Variants in SCG3 observed in about 807,000 individuals in gnomAD.
SCG3 encodes secretogranin III, also known as secretogranin-3.
In SCG3, 38 loss-of-function variants were observed where a neutral mutation model predicts 56.2. The observed-to-expected ratio is 0.68, with a 90% CI of 0.52 to 0.89. SCG3 has a LOEUF of 0.89. Among genes scored for constraint, SCG3 ranks in the 40% least tolerant of loss-of-function variants. SCG3 has a pLI of 0.00. For synonymous variants in SCG3, 176 were observed against 184.2 expected, an observed-to-expected ratio of 0.96 and a Z score of 0.36; for missense variants, 524 against 540.7, an observed-to-expected ratio of 0.97 and a Z score of 0.31.
At chr15:51,685,126 G>A (rs1232355472) in intron 4 of SCG3, among the ~76,000 whole-genome samples, 1 of 152,198 alleles carries the variant, frequency 6.6e-6, no homozygotes, top group Non-Finnish European at 1.5e-5. Flanking sequence ...GTGTACCTAT[G>A]AAGTGGGATG....
At chr15:51,688,665 G>C (rs1489721540) in intron 5 of SCG3, among the ~76,000 whole-genome samples, 1 of 152,106 alleles carries the variant, frequency 6.6e-6, no homozygotes, top group Non-Finnish European at 1.5e-5. Context: ...ATATCCAACT[G>C]GCAGTAAGGA....
At chr15:51,703,693 T>C (rs543441993) in intron 10 of SCG3, among the ~76,000 whole-genome samples, 1 of 152,218 alleles carries the variant, frequency 6.6e-6, no homozygotes, top group African/African-American at 2.4e-5. Context: ...ACCTGGGTTA[T>C]ATAAGTTCAA....
Position 51,683,344 on chromosome 15 carries a change from T to G in SCG3, c.307T>G (p.Leu103Val). ...AAGAAGCTCCCCACTTGATAATAAG[T>G]TGAATGTGGAAGATGTTGATTCAAC... ...SIRSSPLDNK[L>V]NVEDVDSTKN... The change falls in exon 4 of 12, where the codon TTG becomes GTG. Residue 103 changes from leucine (L) to valine (V), a missense_variant. Transcript: ENST00000220478. The G allele has an allele frequency of 6.2e-7, 1 of 1,613,652 alleles. No individual in the cohort carries two copies. Among genetic ancestry groups the G allele is most frequent in the Non-Finnish European group, 8.5e-7 (1 of 1,179,724 alleles).
At chr15:51,712,973 C>T (rs2055430111) in intron 10 of SCG3, 1 of 174,530 alleles carries the variant, frequency 5.7e-6, no homozygotes, top group Non-Finnish European at 1.2e-5. Flanking sequence ...TTTGGAAGAA[C>T]CATCCCTAAC....
chr15:51,702,474 T>A (rs1348323059), intron 10 of SCG3, among the ~76,000 whole-genome samples: 1 of 152,070 alleles, frequency 6.6e-6, no homozygotes, highest in Non-Finnish European at 1.5e-5. Flanking sequence ...CCAGGCTGGT[T>A]TTGAACTCCT....
chr15:51,689,523 T>C (rs2055253365), intron 6 of SCG3, among the ~76,000 whole-genome samples, 155 bp downstream of exon 6: 1 of 152,006 alleles, frequency 6.6e-6, no homozygotes, highest in African/African-American at 2.4e-5. Context: ...AGGCCAGACA[T>C]GTTGGCTCAA....
intron 10 of SCG3, among the ~76,000 whole-genome samples, chr15:51,711,224 G>C (rs1472693485): frequency 6.6e-6 from 1 of 152,208 alleles, no homozygotes; most frequent in Non-Finnish European, 1.5e-5. Flanking sequence ...GGAGGCATGA[G>C]AGTGGGTAAT....
At position 51,713,406 on chromosome 15, in the gene SCG3, TAAA is replaced by T. The variant is rs1567223392; in HGVS notation, c.1282_1284del (p.Lys428del). The stretch of plus-strand genomic sequence containing the variant: ...TGAAGAAACATGACAAAAAGGGAAA[TAAA>T]GAAGGTAGGACCAAGTGTGGTTGTA... On this transcript the variant is annotated inframe_deletion, in exon 11 of 12. Coordinates refer to ENST00000220478, the MANE Select transcript of SCG3 (RefSeq NM_013243.4). 5.6e-6 allele frequency: 9 copies of T among 1,596,142 alleles called. No homozygotes were observed. The highest frequency in any genetic ancestry group is 7.7e-6 in the Non-Finnish European group (9 of 1,170,222).
intron 4 of SCG3, among the ~76,000 whole-genome samples, chr15:51,683,890 CA>C (rs1437103498): frequency 1.3e-5 from 2 of 152,162 alleles, no homozygotes; most frequent in Non-Finnish European, 1.5e-5. Context: ...GCTTCAATTA[CA>C]TCTATATCCT....
chr15:51,715,426 T>G (rs2622777), intron 11 of SCG3, among the ~76,000 whole-genome samples: 1 of 151,874 alleles, frequency 6.6e-6, no homozygotes, highest in Non-Finnish European at 1.5e-5. Context: ...CTATTAGTTC[T>G]GACCTTTCTT....
In SCG3 at chr15:51,709,180, A is replaced by T. The variant is rs558682622; in HGVS notation, c.1208-4153A>T. 1.3e-4 allele frequency among the ~76,000 whole-genome samples: 20 copies of T among 152,322 alleles called. 1 individual carries two copies. In the South Asian group the frequency reaches 4.1e-3, roughly 32 times the overall value. On this transcript the variant is annotated intron_variant, in intron 10 of 11. Transcript: ENST00000220478. ...CCTTCACATGATGGTAGGAAGGAGA[A>T]GTGCTGAGCAAATGGGGAAAAGCCC...
intron 10 of SCG3, among the ~76,000 whole-genome samples, chr15:51,703,570 G>T (rs893573262): frequency 1.3e-5 from 2 of 152,084 alleles, no homozygotes; most frequent in African/African-American, 4.8e-5. Flanking sequence ...TAGCAACAAC[G>T]GGATATTCTA....
Position 51,681,560 on chromosome 15 carries a change from T to C in SCG3, c.-196T>C, listed in dbSNP as rs185684432. On this transcript the variant is annotated 5_prime_UTR_variant, in exon 1 of 12. Coordinates refer to ENST00000220478, the MANE Select transcript of SCG3 (RefSeq NM_013243.4). Reference sequence around the variant, plus strand: ...GCTCCCCTCTACCTGGAGACTTGACTCCCGCGCGCCCCAACCCTGCTTATC... The same window carrying C: ...GCTCCCCTCTACCTGGAGACTTGACCCCCGCGCGCCCCAACCCTGCTTATC... The C allele has an allele frequency of 1.1e-3, 629 of 585,462 alleles. 6 individuals carry two copies. The African/African-American group carries it at 0.011, about 10-fold the overall frequency. 36.3% of individuals were successfully genotyped at this position (585,462 alleles called of 1,614,324 possible).
chr15:51,708,625 G>A (rs889058040), intron 10 of SCG3, among the ~76,000 whole-genome samples: 6 of 152,164 alleles, frequency 3.9e-5, no homozygotes, highest in Non-Finnish European at 7.3e-5. Context: ...GGTGGCCGAG[G>A]AGGGCAGATC....
chr15:51,683,105 TA>T lies in SCG3; in HGVS notation c.169del (p.Thr57HisfsTer19). 1 of 1,609,702 alleles carries T rather than the reference TA, an allele frequency of 6.2e-7. No individual in the cohort carries two copies. Among genetic ancestry groups the T allele is most frequent in the Non-Finnish European group, 8.5e-7 (1 of 1,178,320 alleles). On this transcript the variant is annotated frameshift_variant, in exon 3 of 12. Coordinates refer to ENST00000220478, the MANE Select transcript of SCG3 (RefSeq NM_013243.4). LOFTEE classifies it high-confidence loss of function. ...QIAEAEEDKIKKTYPPENKPG... is the reference protein window; with the variant it reads ...QIAEAEEDKIXKTYPPENKPG... The stretch of plus-strand genomic sequence containing the variant: ...TTGCTGAAGCAGAAGAAGACAAGAT[TA>T]AAAAAACATATCCTCCAGGTAAAAA...
chr15:51,707,379 G>A (rs554882968), intron 10 of SCG3, among the ~76,000 whole-genome samples: 60 of 152,188 alleles, frequency 3.9e-4, no homozygotes, highest in Non-Finnish European at 6.9e-4. Flanking sequence ...GAGAATTCAC[G>A]CCTGCCTTCA....
intron 10 of SCG3, among the ~76,000 whole-genome samples, chr15:51,709,554 AAT>A (rs1462225730): frequency 2.0e-5 from 3 of 150,026 alleles, no homozygotes; most frequent in Admixed American, 6.7e-5. Context: ...TTTCTGAAAA[AAT>A]AGTTTCTGAT....
chr15:51,701,791 A>AGCT (rs1396752515), intron 10 of SCG3, among the ~76,000 whole-genome samples: 1 of 152,154 alleles, frequency 6.6e-6, no homozygotes, highest in Non-Finnish European at 1.5e-5. Context: ...CTATAGTTTT[A>AGCT]GCTGCTCAGG....
intron 11 of SCG3, among the ~76,000 whole-genome samples, chr15:51,718,195 TAGATAGACAGACAGACAGAC>T (rs1436772777): frequency 8.0e-6 from 1 of 124,824 alleles, no homozygotes; most frequent in African/African-American, 3.2e-5. Context: ...GATAGATAGA[TAGATAGACAGACAGACAGAC>T]AGACAGACAG....
Sources: gnomAD v4.1 joint callset for allele counts (sites outside exome capture counted in the v4.1 genomes callset) on GRCh38, gnomAD v4.1.1 for gene constraint, MANE v1.5 for transcripts, NCBI Gene and HGNC (gene_info 2026-07-23, HGNC 2026-07-21) for gene names.